IL1RAPL1: variants seen among roughly 807,000 people sequenced by gnomAD.
IL1RAPL1 encodes the protein interleukin 1 receptor accessory protein like 1.
A neutral mutation model predicts 48.4 loss-of-function variants in IL1RAPL1; 3 were observed. That is an observed-to-expected ratio of 0.06 (90% confidence interval 0.03 to 0.16). The LOEUF is 0.16. IL1RAPL1 is among the 10% of genes least tolerant of loss of function. IL1RAPL1 has a pLI of 1.00. For missense variants in IL1RAPL1, 349 were observed against 530.6 expected (o/e 0.66, Z 3.36); for synonymous variants, 185 against 187.7 (o/e 0.99, Z 0.12).
chrX:28,820,530 C>G (rs1936926058), intron 2 of IL1RAPL1, among the ~76,000 whole-genome samples: 1 of 111,619 alleles, frequency 9.0e-6, no homozygotes, highest in Non-Finnish European at 1.9e-5. Context: ...AGGAACAACA[C>G]ATTATATCAT....
At chrX:29,084,688 C>A (rs1184576439) in intron 2 of IL1RAPL1, among the ~76,000 whole-genome samples, 1 of 112,014 alleles carries the variant, frequency 8.9e-6, no homozygotes, top group African/African-American at 3.2e-5. Flanking sequence ...AAAAAAAGTA[C>A]GTGATCATTT....
intron 5 of IL1RAPL1, among the ~76,000 whole-genome samples, chrX:29,667,678 T>A (rs1926036880): frequency 1.8e-5 from 2 of 111,849 alleles, no homozygotes; most frequent in Admixed American, 1.9e-4. Flanking sequence ...TCTTCAAGAT[T>A]TCTAATGGCA....
intron 5 of IL1RAPL1, among the ~76,000 whole-genome samples, chrX:29,463,281 G>A (rs985668244): frequency 9.9e-5 from 11 of 110,873 alleles, no homozygotes; most frequent in Non-Finnish European, 1.9e-4. Flanking sequence ...ATAGCTTTAC[G>A]AAAAAGAAGA....
intron 6 of IL1RAPL1, among the ~76,000 whole-genome samples, chrX:29,765,818 A>G (rs1349527508): frequency 5.4e-5 from 6 of 111,171 alleles, no homozygotes; most frequent in Admixed American, 2.9e-4. Flanking sequence ...ACCAAATACC[A>G]TATGTTCTCA....
chrX:29,266,979 T>A (rs1931965206), intron 2 of IL1RAPL1, among the ~76,000 whole-genome samples: 1 of 111,750 alleles, frequency 8.9e-6, no homozygotes, highest in Non-Finnish European at 1.9e-5. Flanking sequence ...TAAGGGGCCA[T>A]CATAGCACCA....
At chrX:29,720,477 A>G (rs897794703) in intron 6 of IL1RAPL1, among the ~76,000 whole-genome samples, 13 of 111,791 alleles carry the variant, frequency 1.2e-4, no homozygotes, top group African/African-American at 2.9e-4. Flanking sequence ...GCTGGAAACC[A>G]TCATTCTCAG....
At chrX:29,874,936 C>T (rs777767900) in intron 6 of IL1RAPL1, among the ~76,000 whole-genome samples, 153 of 111,887 alleles carry the variant, frequency 1.4e-3, no homozygotes, top group African/African-American at 4.6e-3. Flanking sequence ...TGATAAAATG[C>T]ATTCCTTTCC....
intron 8 of IL1RAPL1, among the ~76,000 whole-genome samples, chrX:29,932,019 A>C (rs779093780): frequency 1.7e-4 from 19 of 112,406 alleles, no homozygotes; most frequent in African/African-American, 5.5e-4. Flanking sequence ...CTTGATATAC[A>C]ATAGCCCTGT....
intron 2 of IL1RAPL1, among the ~76,000 whole-genome samples, chrX:29,046,561 A>C (rs1926975297): frequency 8.9e-6 from 1 of 111,837 alleles, no homozygotes; most frequent in African/African-American, 3.3e-5. Context: ...AAGCCAAGTA[A>C]CTTACCCAGA....
intron 2 of IL1RAPL1, among the ~76,000 whole-genome samples, chrX:28,965,494 T>G: frequency 8.9e-6 from 1 of 111,893 alleles, no homozygotes; most frequent in Non-Finnish European, 1.9e-5. Context: ...TTCTTTTACC[T>G]AGTAGAGAAA....
At chrX:29,502,065 A>T (rs1040358459) in intron 5 of IL1RAPL1, among the ~76,000 whole-genome samples, 1 of 110,441 alleles carries the variant, frequency 9.1e-6, no homozygotes, top group Non-Finnish European at 1.9e-5. Context: ...TGATTCCTAG[A>T]TATTTTATAT....
intron 2 of IL1RAPL1, among the ~76,000 whole-genome samples, chrX:29,141,360 A>G (rs1019724363): frequency 9.0e-6 from 1 of 111,569 alleles, no homozygotes; most frequent in Non-Finnish European, 1.9e-5. Context: ...AAACTTACAA[A>G]CATGAGTCCT....
At chrX:29,218,191 T>C (rs1417796290) in intron 2 of IL1RAPL1, among the ~76,000 whole-genome samples, 1 of 111,931 alleles carries the variant, frequency 8.9e-6, no homozygotes, top group Admixed American at 9.5e-5. Context: ...ATGAAACTGC[T>C]TTGGTATGAT....
intron 3 of IL1RAPL1, among the ~76,000 whole-genome samples, chrX:29,376,474 T>G (rs1386673626): frequency 1.8e-5 from 2 of 109,783 alleles, no homozygotes; most frequent in Non-Finnish European, 3.8e-5. Flanking sequence ...CAGGCTCAGG[T>G]GATCCTCACT....
At chrX:28,610,217 A>G (rs1169923112) in intron 1 of IL1RAPL1, among the ~76,000 whole-genome samples, 1 of 111,897 alleles carries the variant, frequency 8.9e-6, no homozygotes, top group Admixed American at 9.5e-5. Flanking sequence ...GTTTTTCACC[A>G]TGTCTGGGTT....
At chrX:29,649,847 A>G (rs1438027030) in intron 5 of IL1RAPL1, among the ~76,000 whole-genome samples, 1 of 111,673 alleles carries the variant, frequency 9.0e-6, no homozygotes. Flanking sequence ...ATGATCTTAT[A>G]TATATAGAAA....
chrX:29,927,696 G>A (rs1228113208), intron 8 of IL1RAPL1, among the ~76,000 whole-genome samples: 1 of 111,677 alleles, frequency 9.0e-6, no homozygotes, highest in Non-Finnish European at 1.9e-5. Flanking sequence ...TATGCAAATA[G>A]GTTGAATCTC....
intron 3 of IL1RAPL1, among the ~76,000 whole-genome samples, chrX:29,317,141 G>A (rs763295234): frequency 9.0e-6 from 1 of 111,567 alleles, no homozygotes; most frequent in South Asian, 3.8e-4. Context: ...AAGTCCTTCA[G>A]TTCTCCCCAA....
chrX:28,782,931 T>G (rs1213807466), intron 1 of IL1RAPL1, among the ~76,000 whole-genome samples: 1 of 112,065 alleles, frequency 8.9e-6, no homozygotes, highest in Non-Finnish European at 1.9e-5. Flanking sequence ...TGCTCTTTTT[T>G]TTCTTAATAG....
Sources: allele counts gnomAD v4.1 joint callset (sites outside exome capture counted in the v4.1 genomes callset), GRCh38; gene constraint gnomAD v4.1.1; transcripts MANE v1.5; gene names NCBI Gene and HGNC (gene_info 2026-07-23, HGNC 2026-07-21).